The following STPG2 variants were observed in gnomAD, a reference collection of about 807,000 sequenced individuals.
STPG2 encodes the protein sperm tail PG-rich repeat containing 2, also known as sperm-tail PG-rich repeat-containing protein 2.
A neutral mutation model predicts 54.2 loss-of-function variants in STPG2; 56 were observed. That is an observed-to-expected ratio of 1.03 (90% CI 0.83 to 1.29). The LOEUF is 1.29. STPG2 is among the 50% of genes most tolerant of loss of function. The pLI is 0.00. For missense variants in STPG2, 596 were observed against 544.9 expected, an observed-to-expected ratio of 1.09 and a Z score of -0.93; for synonymous variants, 200 against 181.8, an observed-to-expected ratio of 1.10 and a Z score of -0.81.
At chr4:98,042,899 A>G (rs572837031) in intron 5 of STPG2, among the ~76,000 whole-genome samples, 1 of 152,084 alleles carries the variant, frequency 6.6e-6, no homozygotes, top group South Asian at 2.1e-4. Context: ...GGGGTGTTGA[A>G]GTCCCCCACT....
Position 97,542,568 on chromosome 4 carries a change from C to T in STPG2, c.462+170131G>A, listed in dbSNP as rs575823559. 3.5e-3 allele frequency among the ~76,000 whole-genome samples: 527 copies of T among 152,260 alleles called. 4 individuals are homozygous for T. Among genetic ancestry groups the T allele is most frequent in the African/African-American group, 0.012 (490 of 41,558 alleles). On this transcript the variant is annotated intron_variant, in intron 4 of 4. Transcript: ENST00000522676. The stretch of plus-strand genomic sequence containing the variant: ...ATTATGGAAGACAGTGTGGCGATTC[C>T]TCAGGGATCTAGAACTAGAAATACC...
intron 4 of STPG2, among the ~76,000 whole-genome samples, chr4:97,537,203 C>A (rs537999466): frequency 6.6e-6 from 1 of 152,104 alleles, no homozygotes; most frequent in Non-Finnish European, 1.5e-5. Flanking sequence ...GGGTGCAGGA[C>A]AGTGGGTGCA....
chr4:98,047,899 A>T (rs976165610), intron 5 of STPG2, among the ~76,000 whole-genome samples: 2 of 152,212 alleles, frequency 1.3e-5, no homozygotes, highest in African/African-American at 4.8e-5. Context: ...ACGAGCTAAA[A>T]AAATAAGTGG....
At chr4:97,627,394 CA>C (rs1268574830) in intron 10 of STPG2, among the ~76,000 whole-genome samples, 1 of 151,928 alleles carries the variant, frequency 6.6e-6, no homozygotes, top group African/African-American at 2.4e-5. Context: ...TTGGGTGTTA[CA>C]AAACTGTTTT....
intron 9 of STPG2, among the ~76,000 whole-genome samples, chr4:97,811,117 T>C: frequency 6.6e-6 from 1 of 152,124 alleles, no homozygotes; most frequent in East Asian, 1.9e-4. Flanking sequence ...CGAATTACTG[T>C]TCAAACAGGT....
chr4:98,122,924 G>A (rs1739721779), intron 3 of STPG2, among the ~76,000 whole-genome samples: 2 of 152,116 alleles, frequency 1.3e-5, no homozygotes, highest in Admixed American at 6.5e-5. Flanking sequence ...TCAGTCTTGG[G>A]AGGGTGTATG....
chr4:97,539,062 A>C (rs561545866), intron 4 of STPG2, among the ~76,000 whole-genome samples: 14 of 152,322 alleles, frequency 9.2e-5, no homozygotes, highest in African/African-American at 1.2e-4. Flanking sequence ...TGGAAAGGAA[A>C]AACTGGTACC....
At chr4:97,904,944 T>C (rs1452066172) in intron 8 of STPG2, among the ~76,000 whole-genome samples, 1 of 151,788 alleles carries the variant, frequency 6.6e-6, no homozygotes, top group African/African-American at 2.4e-5. Context: ...CTCCAAGAAA[T>C]ATGGGACTAT....
At chr4:98,040,431 C>T (rs1736913730) in intron 5 of STPG2, among the ~76,000 whole-genome samples, 1 of 151,816 alleles carries the variant, frequency 6.6e-6, no homozygotes, top group South Asian at 2.1e-4. Flanking sequence ...AGGTTTTCTT[C>T]TAGGATTTTT....
At chr4:98,056,167 GC>G (rs1255908728) in intron 5 of STPG2, among the ~76,000 whole-genome samples, 1 of 152,056 alleles carries the variant, frequency 6.6e-6, no homozygotes, top group East Asian at 1.9e-4. Context: ...GAGCCAACAA[GC>G]CCCACCACCA....
chr4:97,906,518 A>C (rs1319579039), intron 8 of STPG2, among the ~76,000 whole-genome samples: 3 of 152,232 alleles, frequency 2.0e-5, no homozygotes, highest in African/African-American at 7.2e-5. Context: ...TCATTTTATC[A>C]GGCCAGTATC....
At position 97,723,460 on chromosome 4, in the gene STPG2, C is replaced by G. The variant is rs934747062; in HGVS notation, c.1205-10646G>C. On this transcript the variant is annotated intron_variant, in intron 9 of 10. Coordinates refer to ENST00000295268, the MANE Select transcript of STPG2 (RefSeq NM_174952.3). ...TCATGCAGCAAACATGCAAGTGTAC[C>G]CACTGAATCTGATTTCTTTTTAATT... Among the ~76,000 whole-genome samples the G allele has an allele frequency of 1.3e-4, 20 of 152,032 alleles. 1 individual carries two copies. The highest frequency in any genetic ancestry group is 2.9e-5 in the Non-Finnish European group (2 of 67,998).
chr4:97,965,390 T>C (rs1168258303), intron 7 of STPG2, among the ~76,000 whole-genome samples: 3 of 152,184 alleles, frequency 2.0e-5, no homozygotes, highest in Non-Finnish European at 2.9e-5. Context: ...ACTGCCTCTA[T>C]AGACTCCACT....
At chr4:97,670,124 T>G (rs189161923) in intron 10 of STPG2, among the ~76,000 whole-genome samples, 5 of 152,046 alleles carry the variant, frequency 3.3e-5, no homozygotes, top group African/African-American at 1.2e-4. Context: ...GTTGATAACA[T>G]TTTTTGATGA....
intron 9 of STPG2, among the ~76,000 whole-genome samples, chr4:97,729,063 T>TTCTCTC (rs57186071): frequency 0.023 from 2,896 of 124,874 alleles, 124 homozygotes; most frequent in African/African-American, 0.072. Flanking sequence ...CCCCAAGAAT[T>TTCTCTC]TCTCTCTCTC....
chr4:97,527,852 T>A (rs899599838), intron 4 of STPG2, among the ~76,000 whole-genome samples: 1 of 152,172 alleles, frequency 6.6e-6, no homozygotes, highest in Non-Finnish European at 1.5e-5. Flanking sequence ...GGTTGTTTGT[T>A]TTTTTCTTGT....
intron 6 of STPG2, among the ~76,000 whole-genome samples, chr4:97,972,880 T>C (rs1734381614): frequency 6.6e-6 from 1 of 152,200 alleles, no homozygotes; most frequent in Non-Finnish European, 1.5e-5. Context: ...CCTTCTGCCA[T>C]GATTGTGAGG....
At chr4:98,072,144 A>G (rs967330295) in intron 5 of STPG2, among the ~76,000 whole-genome samples, 1 of 152,232 alleles carries the variant, frequency 6.6e-6, no homozygotes, top group African/African-American at 2.4e-5. Flanking sequence ...AATAGCAAAG[A>G]TATGGAATCA....
At chr4:97,806,694 G>A (rs1668365560) in intron 9 of STPG2, among the ~76,000 whole-genome samples, 1 of 152,052 alleles carries the variant, frequency 6.6e-6, no homozygotes. Context: ...ATTTGAGGTA[G>A]ATTTTATCAA....
Sources: gnomAD v4.1 joint callset for allele counts (sites outside exome capture counted in the v4.1 genomes callset) on GRCh38, gnomAD v4.1.1 for gene constraint, MANE v1.5 for transcripts, NCBI Gene and HGNC (gene_info 2026-07-23, HGNC 2026-07-21) for gene names.